The following TOP1MT variants were observed in gnomAD, a reference collection of about 807,000 sequenced individuals.
TOP1MT encodes DNA topoisomerase I, mitochondrial.
Under a neutral mutation model 73.9 loss-of-function variants are expected in TOP1MT, and 80 were observed. The ratio of observed to expected loss-of-function variants is 1.08; its 90% CI spans 0.90 to 1.30. The LOEUF (loss-of-function observed/expected upper bound fraction) is 1.30. TOP1MT is among the 50% of genes most tolerant of loss of function. TOP1MT has a pLI of 0.00. For synonymous variants in TOP1MT, 338 were observed against 326.4 expected, an observed-to-expected ratio of 1.04 and a Z score of -0.38; for missense variants, 815 against 808.0, an observed-to-expected ratio of 1.01 and a Z score of -0.10.
intron 3 of TOP1MT, chr8:143,327,915 T>TAA (rs1009934427): frequency 2.1e-4 from 68 of 330,896 alleles, no homozygotes. Context: ...GAGTTCCACC[T>TAA]AAACCAAGCT....
At chr8:143,354,203 C>T (rs1817368562) in intron 1 of TOP1MT, among the ~76,000 whole-genome samples, 2 of 152,016 alleles carry the variant, frequency 1.3e-5, no homozygotes. Flanking sequence ...GATATACACG[C>T]AGCAGGGTGT....
At position 143,344,706 on chromosome 8, in the gene TOP1MT, G is replaced by A. The variant is rs1817188981; in HGVS notation, c.-39+210C>T. On this transcript the variant is annotated intron_variant, in intron 1 of 5. Coordinates refer to the TOP1MT transcript ENST00000518007. The surrounding 1 kb of genome is among the most constrained non-coding windows in gnomAD (Gnocchi z 4.6). The stretch of plus-strand genomic sequence containing the variant: ...CTCCCCAGTAACCCCTGTTGTGGGG[G>A]TGTAGACGGAGAGGCGCAGACACTG... 6.6e-6 allele frequency: 1 copy of A among 152,430 alleles called. No homozygotes were observed. Among genetic ancestry groups the A allele is most frequent in the African/African-American group, 2.4e-5 (1 of 41,450 alleles). 9.4% of individuals were successfully genotyped at this position (152,430 alleles called of 1,614,324 possible). A position where few individuals can be genotyped will look rare whatever the true frequency, so the allele number is the denominator to read the frequency against.
chr8:143,323,119 C>T (rs201695620), intron 7 of TOP1MT, among the ~76,000 whole-genome samples: 9,746 of 93,012 alleles, frequency 0.1, no homozygotes, highest in East Asian at 0.26. Flanking sequence ...CACACATGCA[C>T]GCCACACACA....
Position 143,310,174 on chromosome 8 carries a change from G to A in TOP1MT, c.1597C>T (p.Gln533Ter), listed in dbSNP as rs149953316. ...KRRLLEKLQEQLAQLSVQATD... is the reference protein window; with the variant it reads ...KRRLLEKLQE The stretch of plus-strand genomic sequence containing the variant: ...GCCTGCACACTCAGCTGCGCCAGCT[G>A]CTCCTGCAGCTTCTCCAGGAGCCGC... Residue 533 changes from glutamine (Q) to a stop codon, truncating the protein, a stop_gained, in exon 13 of 14, where the codon CAG becomes TAG. Transcript: ENST00000329245. LOFTEE classifies it high-confidence loss of function. The A allele has an allele frequency of 7.6e-5, 122 of 1,603,226 alleles. No homozygotes were observed. The African/African-American group carries it at 1.4e-3, about 18-fold the overall frequency.
At chr8:143,325,193 C>T (rs77785767) in intron 5 of TOP1MT, among the ~76,000 whole-genome samples, 153 bp downstream of exon 5, 2,231 of 152,214 alleles carry the variant, frequency 0.015, 57 homozygotes, top group African/African-American at 0.051. Flanking sequence ...CCTTGCCCGG[C>T]CACGCCTACA....
At chr8:143,315,634 A>G (rs1283297603) in intron 12 of TOP1MT, 93 bp downstream of exon 12, 2 of 902,574 alleles carry the variant, frequency 2.2e-6, no homozygotes, top group Non-Finnish European at 1.8e-6. Flanking sequence ...ACAAGGAGAC[A>G]ACAAGGGTCG....
intron 7 of TOP1MT, among the ~76,000 whole-genome samples, chr8:143,323,647 CCA>C (rs201688183): frequency 1.1e-5 from 1 of 91,998 alleles, no homozygotes; most frequent in Non-Finnish European, 2.4e-5. Context: ...CACACGCACG[CCA>C]CACACATGCT....
Position 143,321,200 on chromosome 8 carries a change from C to G in TOP1MT, c.1146+1G>C. On this transcript the variant is annotated splice_donor_variant, in intron 8 of 13. Transcript: ENST00000329245. LOFTEE classifies it high-confidence loss of function. Reference sequence around the variant, plus strand: ...GGGGCAGCTGGCGCGAGGGCACTCACCGGCTTCTCCACCGGCACTCTGTTG... The same window carrying G: ...GGGGCAGCTGGCGCGAGGGCACTCAGCGGCTTCTCCACCGGCACTCTGTTG... 3 of 1,589,142 alleles carry G rather than the reference C, an allele frequency of 1.9e-6. No individual in the cohort carries two copies. The highest frequency in any genetic ancestry group is 2.6e-6 in the Non-Finnish European group (3 of 1,164,184).
At chr8:143,346,204 A>G (rs1817218379), upstream of TOP1MT, among the ~76,000 whole-genome samples, 4 of 152,204 alleles carry the variant, frequency 2.6e-5, no homozygotes, top group Admixed American at 2.6e-4. Context: ...ACAGCTCCGA[A>G]GGCAATGCCA....
intron 6 of TOP1MT, 58 bp from the exon 7 acceptor site, chr8:143,324,200 A>G (rs956857112): frequency 1.5e-5 from 24 of 1,597,078 alleles, no homozygotes; most frequent in South Asian, 4.4e-5. Context: ...ATAACGGAGG[A>G]GGCTGTCAAC....
intron 2 of TOP1MT, among the ~76,000 whole-genome samples, chr8:143,342,968 A>C (rs571578095): frequency 3.8e-4 from 57 of 151,958 alleles, no homozygotes; most frequent in Non-Finnish European, 7.2e-4. Context: ...ATCATGTTGG[A>C]CAGGCTGGTC....
At chr8:143,318,640 G>A (rs73380277) in intron 8 of TOP1MT, among the ~76,000 whole-genome samples, 2,254 of 152,250 alleles carry the variant, frequency 0.015, 58 homozygotes, top group African/African-American at 0.052. Flanking sequence ...CTCCCTGAGC[G>A]CTGGGCATCG....
At chr8:143,337,478 G>A (rs1289682626), upstream of TOP1MT, among the ~76,000 whole-genome samples, 2 of 152,142 alleles carry the variant, frequency 1.3e-5, no homozygotes, top group African/African-American at 2.4e-5. Context: ...TCCAGCTGGC[G>A]TTTTTACAGA....
chr8:143,321,856 AC>A (rs1816408708), intron 7 of TOP1MT, among the ~76,000 whole-genome samples: 1 of 97,880 alleles, frequency 1.0e-5, no homozygotes, highest in African/African-American at 4.5e-5. Flanking sequence ...CACGCCACAC[AC>A]GCATGCCACA....
At chr8:143,350,552 G>A (rs1003674018) in intron 1 of TOP1MT, among the ~76,000 whole-genome samples, 3 of 152,072 alleles carry the variant, frequency 2.0e-5, no homozygotes, top group East Asian at 1.9e-4. Flanking sequence ...GGCTGGCCTC[G>A]AACTCCTGAC....
chr8:143,347,812 C>T (rs542430731), upstream of TOP1MT, among the ~76,000 whole-genome samples: 36 of 152,226 alleles, frequency 2.4e-4, 1 homozygote, highest in South Asian at 6.4e-3. Flanking sequence ...CCAAGGTGGG[C>T]TGTGCGGGAC....
chr8:143,356,873 C>T (rs1198294666), upstream of TOP1MT, among the ~76,000 whole-genome samples: 1 of 149,686 alleles, frequency 6.7e-6, no homozygotes, highest in Non-Finnish European at 1.5e-5. Context: ...GAGGGTGGAT[C>T]ACAAGGTCAG....
rs183684793 is a variant in TOP1MT at position 143,353,784 on chromosome 8, T to A, written c.-39+2181A>T. ...TTTGAGACCAGCCTGGCCAACATGGTGAAACCCCGTCTCTACTAAAAATAC... is the reference window on the plus strand; with the variant it reads ...TTTGAGACCAGCCTGGCCAACATGGAGAAACCCCGTCTCTACTAAAAATAC... On this transcript the variant is annotated intron_variant, in intron 1 of 5. Transcript: ENST00000518760. 3.2e-3 allele frequency among the ~76,000 whole-genome samples: 487 copies of A among 151,288 alleles called. 4 individuals are homozygous for A. Among genetic ancestry groups the A allele is most frequent in the African/African-American group, 0.011 (440 of 41,150 alleles).
chr8:143,353,961 C>T (rs371642609), intron 1 of TOP1MT, among the ~76,000 whole-genome samples: 35 of 63,730 alleles, frequency 5.5e-4, no homozygotes, highest in African/African-American at 4.6e-3. Flanking sequence ...GAGACTCCAT[C>T]CCAAAAAAAA....
Sources: gnomAD v4.1 joint callset for allele counts (sites outside exome capture counted in the v4.1 genomes callset) on GRCh38, gnomAD v4.1.1 for gene constraint, Gnocchi (gnomAD v3.1) non-coding constraint, MANE v1.5 for transcripts, NCBI Gene and HGNC (gene_info 2026-07-23, HGNC 2026-07-21) for gene names.